IDO2: variants seen among roughly 807,000 people sequenced by gnomAD.
IDO2 encodes the protein indoleamine 2,3-dioxygenase-like 1 protein.
A neutral mutation model predicts 45.1 loss-of-function variants in IDO2; 46 were observed. That is an observed-to-expected ratio of 1.02 (90% CI 0.80 to 1.30). The LOEUF is 1.30. Among genes scored for constraint, IDO2 ranks in the 50% most tolerant of loss-of-function variants. IDO2 has a pLI of 0.00. For synonymous variants in IDO2, 218 were observed against 184.9 expected (o/e 1.18, Z -1.45); for missense variants, 544 against 491.8 (o/e 1.11, Z -1.00).
intron 7 of IDO2, among the ~76,000 whole-genome samples, chr8:39,988,469 T>C (rs1808455482): frequency 6.6e-6 from 1 of 152,224 alleles, no homozygotes; most frequent in Non-Finnish European, 1.5e-5. Flanking sequence ...CTTCGCTCTG[T>C]CGCTCAGGCC....
chr8:39,994,445 C>A (rs559002748), intron 8 of IDO2, among the ~76,000 whole-genome samples: 3 of 151,960 alleles, frequency 2.0e-5, no homozygotes, highest in Non-Finnish European at 4.4e-5. Context: ...TTAGTAGAGA[C>A]GGGCTTTCTC....
intron 3 of IDO2, among the ~76,000 whole-genome samples, chr8:39,975,220 C>T (rs1188543783): frequency 6.8e-6 from 1 of 146,278 alleles, no homozygotes; most frequent in Non-Finnish European, 1.5e-5. Flanking sequence ...GGCTGGAGTG[C>T]ATTGGCGTGA....
intron 2 of IDO2, among the ~76,000 whole-genome samples, chr8:39,957,673 G>A (rs1807924813): frequency 6.6e-6 from 1 of 152,022 alleles, no homozygotes; most frequent in African/African-American, 2.4e-5. Flanking sequence ...TTCCTACAGG[G>A]CCCCTGTGAT....
At chr8:39,994,184 T>C (rs1049828571) in intron 8 of IDO2, among the ~76,000 whole-genome samples, 8 of 152,126 alleles carry the variant, frequency 5.3e-5, no homozygotes, top group Non-Finnish European at 1.2e-4. Flanking sequence ...AGGATGATAG[T>C]TGATTTTGCT....
chr8:40,010,880 T>C (rs1358776051), intron 9 of IDO2, among the ~76,000 whole-genome samples: 2 of 152,220 alleles, frequency 1.3e-5, no homozygotes, highest in East Asian at 3.9e-4. Context: ...TGTAAATAGC[T>C]TTTTACATTT....
intron 1 of IDO2, among the ~76,000 whole-genome samples, chr8:39,943,645 G>A (rs1386076231): frequency 6.6e-6 from 1 of 150,816 alleles, no homozygotes; most frequent in Non-Finnish European, 1.5e-5. Context: ...GCTGAGGCAG[G>A]AGAATGGCGT....
chr8:39,950,602 C>T (rs1325931940), intron 2 of IDO2, among the ~76,000 whole-genome samples: 1 of 152,178 alleles, frequency 6.6e-6, no homozygotes, highest in Non-Finnish European at 1.5e-5. Flanking sequence ...AATAGCTGTC[C>T]AGCCACGAGA....
chr8:39,938,568 A>G (rs1807592508), intron 1 of IDO2, among the ~76,000 whole-genome samples: 1 of 127,994 alleles, frequency 7.8e-6, no homozygotes, highest in African/African-American at 2.5e-5. Flanking sequence ...GGCGCAATCA[A>G]TGAAAAAAAA....
At chr8:39,940,609 A>G (rs1042418213) in intron 1 of IDO2, among the ~76,000 whole-genome samples, 11 of 152,202 alleles carry the variant, frequency 7.2e-5, no homozygotes, top group Non-Finnish European at 1.5e-4. Flanking sequence ...TCTCTCTTCT[A>G]GCTATTTTAA....
intron 1 of IDO2, among the ~76,000 whole-genome samples, chr8:39,937,945 T>C (rs1807583548): frequency 6.6e-6 from 1 of 152,222 alleles, no homozygotes; most frequent in Non-Finnish European, 1.5e-5. Context: ...AACAATCTTA[T>C]TGCATTTGTA....
chr8:39,944,496 A>G (rs1807702730), intron 1 of IDO2, among the ~76,000 whole-genome samples: 1 of 152,060 alleles, frequency 6.6e-6, no homozygotes, highest in Non-Finnish European at 1.5e-5. Context: ...TGGCTCTTTC[A>G]CTGGCAGCCC....
rs1563438264 is a variant in IDO2 at position 39,995,239 on chromosome 8, C to CTTCTTCTTCTTCTT, written c.667+5401_667+5402insTTCTTCTTCTTCTT. The CTTCTTCTTCTTCTT allele has an allele frequency of 1.5e-4, 10 of 65,526 alleles. No homozygotes were observed. In the South Asian group the frequency reaches 2.0e-3, roughly 13 times the overall value. 4.1% of individuals were successfully genotyped at this position (65,526 alleles called of 1,614,324 possible). A position where few individuals can be genotyped will look rare whatever the true frequency, so the allele number is the denominator to read the frequency against. On this transcript the variant is annotated intron_variant, in intron 8 of 10. Coordinates refer to ENST00000502986, the Ensembl canonical transcript of IDO2. ...TCCTTCTCCTTCTCCTTCTCCTTCTCCTTCTCCTTCTCCTTCTTCTTCTTC... is the reference window on the plus strand; with the variant it reads ...TCCTTCTCCTTCTCCTTCTCCTTCTCTTCTTCTTCTTCTTCTTCTCCTTCTCCTTCTTCTTCTTC...
intron 1 of IDO2, among the ~76,000 whole-genome samples, chr8:39,941,130 G>A (rs535157049): frequency 1.4e-5 from 2 of 144,730 alleles, no homozygotes; most frequent in South Asian, 4.6e-4. Context: ...GCTGAGGCAG[G>A]AGAAATGCTT....
chr8:39,942,774 C>T (rs181034343), intron 1 of IDO2, among the ~76,000 whole-genome samples: 16 of 152,082 alleles, frequency 1.1e-4, no homozygotes, highest in African/African-American at 2.2e-4. Context: ...TTGGGTGATT[C>T]GTGTTTAATG....
chr8:39,975,159 G>GTTTTTT (rs368341548), intron 3 of IDO2, among the ~76,000 whole-genome samples: 1 of 142,516 alleles, frequency 7.0e-6, no homozygotes. Context: ...CAACATTGGA[G>GTTTTTT]TTTTTTTTTT....
chr8:39,998,736 G>T (rs976214511), intron 8 of IDO2, among the ~76,000 whole-genome samples: 1 of 145,432 alleles, frequency 6.9e-6, no homozygotes, highest in South Asian at 2.2e-4. Context: ...TGCCTCCCCG[G>T]TTCAAGCAAT....
exon 1 of IDO2, chr8:39,934,769 G>T (rs1807519980): frequency 3.5e-6 from 1 of 282,452 alleles, no homozygotes; most frequent in Non-Finnish European, 6.8e-6. Context: ...TGAGGTGGTT[G>T]TACTTTTGCC....
intron 1 of IDO2, among the ~76,000 whole-genome samples, chr8:39,938,553 C>T (rs1240723997): frequency 7.2e-6 from 1 of 139,476 alleles, no homozygotes; most frequent in Non-Finnish European, 1.6e-5. Context: ...ATATATAACA[C>T]CAAAGGCGCA....
intron 8 of IDO2, among the ~76,000 whole-genome samples, chr8:39,993,189 T>C (rs2129594896): frequency 6.6e-6 from 1 of 152,292 alleles, no homozygotes; most frequent in Admixed American, 6.5e-5. Context: ...GTTAAACTAT[T>C]TTCAGACTTT....
Sources: allele counts gnomAD v4.1 joint callset (sites outside exome capture counted in the v4.1 genomes callset), GRCh38; gene constraint gnomAD v4.1.1; transcripts MANE v1.5; gene names NCBI Gene and HGNC (gene_info 2026-07-23, HGNC 2026-07-21).